Variants in PRKDC observed in about 807,000 individuals in gnomAD.
PRKDC encodes protein kinase, DNA-activated, catalytic subunit, also known as DNA-dependent protein kinase catalytic subunit.
In PRKDC, 82 loss-of-function variants were observed where a neutral mutation model predicts 486.9. The observed-to-expected ratio is 0.17, with a 90% CI of 0.14 to 0.20. PRKDC has a LOEUF of 0.20. PRKDC is among the 10% of genes least tolerant of loss of function. The pLI is 1.00. For missense variants in PRKDC, 4,504 were observed against 5,038.2 expected (o/e 0.89, Z 3.21); for synonymous variants, 1,895 against 1,837.0 (o/e 1.03, Z -0.81).
At chr8:47,814,850 T>G (rs908340382) in intron 68 of PRKDC, among the ~76,000 whole-genome samples, 1 of 152,144 alleles carries the variant, frequency 6.6e-6, no homozygotes, top group Admixed American at 6.5e-5. Context: ...GCAGATCAAC[T>G]AAAATAAAGT....
chr8:47,809,864 T>C (rs2087293840), intron 68 of PRKDC, among the ~76,000 whole-genome samples: 1 of 152,152 alleles, frequency 6.6e-6, no homozygotes, highest in Admixed American at 6.5e-5. Flanking sequence ...TTCCTCTCTG[T>C]CTTACTCTCT....
chr8:47,864,510 C>G (rs1300648010), intron 41 of PRKDC, 46 bp downstream of exon 41: 1 of 1,527,166 alleles, frequency 6.5e-7, no homozygotes, highest in African/African-American at 1.4e-5. Context: ...GCACACCAGT[C>G]AAGTAGGCTG....
chr8:47,861,221 G>A (rs1454931511), intron 44 of PRKDC, among the ~76,000 whole-genome samples: 6 of 152,230 alleles, frequency 3.9e-5, no homozygotes, highest in Admixed American at 3.3e-4. Flanking sequence ...AGCTCACTGC[G>A]TACAGTGTGT....
At chr8:47,853,534 G>A (rs903951673) in intron 51 of PRKDC, among the ~76,000 whole-genome samples, 1 of 152,090 alleles carries the variant, frequency 6.6e-6, no homozygotes, top group African/African-American at 2.4e-5. Context: ...CCATCTTTCT[G>A]AGGCCTCTTG....
At chr8:47,959,534 C>A (rs1406911742) in intron 1 of PRKDC, among the ~76,000 whole-genome samples, 2 of 151,932 alleles carry the variant, frequency 1.3e-5, no homozygotes. Flanking sequence ...AAAAAATTAG[C>A]CGGGCGTGGT....
chr8:47,936,014 A>C, intron 12 of PRKDC, 114 bp from the exon 13 acceptor site: 1 of 1,046,594 alleles, frequency 9.6e-7, no homozygotes, highest in Non-Finnish European at 1.3e-6. Flanking sequence ...AAAGAAAAAC[A>C]TGGTTTGTCA....
chr8:47,929,147 GGA>G lies in PRKDC; in HGVS notation c.2082_2083del (p.Pro695Ter). 1 of 1,579,720 alleles carries G rather than the reference GGA, an allele frequency of 6.3e-7. No individual in the cohort carries two copies. Among genetic ancestry groups the G allele is most frequent in the Non-Finnish European group, 8.6e-7 (1 of 1,161,018 alleles). ...GCAAGAATACTTTTCTGGGTCTTCA[GGA>G]GAGTGTTTCAGACTCTTTGGACTAA... On this transcript the variant is annotated frameshift_variant, in exon 19 of 86. Coordinates refer to ENST00000314191, the MANE Select transcript of PRKDC (RefSeq NM_006904.7). LOFTEE classifies it high-confidence loss of function.
At chr8:47,854,603 G>T (rs1017356867) in intron 50 of PRKDC, among the ~76,000 whole-genome samples, 5 of 151,866 alleles carry the variant, frequency 3.3e-5, no homozygotes, top group African/African-American at 1.2e-4. Context: ...GCCTCCCAAA[G>T]AGCCGGGATT....
rs1279623453 is a variant in PRKDC at position 47,915,415 on chromosome 8, C to T, written c.2530G>A (p.Glu844Lys). The T allele has an allele frequency of 2.6e-6, 4 of 1,516,534 alleles. No homozygotes were observed. Among genetic ancestry groups the T allele is most frequent in the Non-Finnish European group, 3.6e-6 (4 of 1,113,154 alleles). The allele number at this position is 1,516,534 out of a possible 1,614,324, so 93.9% of individuals were successfully genotyped here. Residue 844 changes from glutamate (E) to lysine (K), a missense_variant, in exon 23 of 86, where the codon GAA becomes AAA. This residue lies in a region of PRKDC where 1,969 missense variants were observed against 2,068.9 expected (regional missense o/e 0.95). Transcript: ENST00000314191. ...LKKTKNLSSN[E>K]AISLEEIRIR... The stretch of plus-strand genomic sequence containing the variant: ...CTTATTTCTTCTAAGGATATTGCTT[C>T]GTTCTGTAAATTTGAACAATTGTAT...
chr8:47,860,019 T>C (rs1352579122), intron 45 of PRKDC, among the ~76,000 whole-genome samples: 1 of 152,210 alleles, frequency 6.6e-6, no homozygotes, highest in Non-Finnish European at 1.5e-5. Context: ...TTGCATATGA[T>C]TAACACATTT....
chr8:47,780,561 T>C (rs1218376036), intron 80 of PRKDC, among the ~76,000 whole-genome samples: 3 of 152,238 alleles, frequency 2.0e-5, no homozygotes, highest in Non-Finnish European at 4.4e-5. Flanking sequence ...TTTTCTGAGT[T>C]GCTATTAAAG....
chr8:47,842,558 G>A (rs2088173947), intron 54 of PRKDC, among the ~76,000 whole-genome samples: 1 of 151,800 alleles, frequency 6.6e-6, no homozygotes, highest in Non-Finnish European at 1.5e-5. Flanking sequence ...AAACCCTCAA[G>A]GAAAATGATG....
chr8:47,941,925 G>C (rs893737278), intron 10 of PRKDC, among the ~76,000 whole-genome samples: 48 of 152,248 alleles, frequency 3.2e-4, no homozygotes, highest in Non-Finnish European at 6.2e-4. Flanking sequence ...GCAAGGATGT[G>C]AAACAGAGAT....
intron 41 of PRKDC, 105 bp from the exon 42 acceptor site, chr8:47,863,682 T>A: frequency 1.0e-6 from 1 of 975,854 alleles, no homozygotes; most frequent in African/African-American, 1.7e-5. Flanking sequence ...CAGACAGAAT[T>A]TTAACAGTCA....
At chr8:47,893,475 G>C in intron 30 of PRKDC, 88 bp from the exon 31 acceptor site, 1 of 1,306,134 alleles carries the variant, frequency 7.7e-7, no homozygotes, top group Non-Finnish European at 1.0e-6. Flanking sequence ...AATGTTATGG[G>C]ACAATCTTTT....
chr8:47,802,249 T>A (rs2087123471), intron 70 of PRKDC, among the ~76,000 whole-genome samples: 1 of 152,040 alleles, frequency 6.6e-6, no homozygotes, highest in Admixed American at 6.5e-5. Context: ...ACTAGGATGA[T>A]CTTCTGCTCT....
Position 47,886,103 on chromosome 8 carries a change from G to A in PRKDC, c.4617C>T (p.Ser1539=), listed in dbSNP as rs1474934197. Residue 1539 remains serine, a synonymous_variant, in exon 36 of 86, where the codon TCC becomes TCT. Transcript: ENST00000314191. ...CCTGTGAGCTGCCCAAGGACGCCGT[G>A]GACAGCACCGCTGGGTTCAGGAGAA... ...VSLLLNPAVL[S]TASLGSSQGS... is the part of the protein sequence containing the mutation. The A allele has an allele frequency of 1.2e-6, 2 of 1,613,348 alleles. No individual in the cohort carries two copies. Among genetic ancestry groups the A allele is most frequent in the South Asian group, 1.1e-5 (1 of 91,058 alleles).
chr8:47,815,227 T>C (rs960299846), intron 68 of PRKDC, among the ~76,000 whole-genome samples: 1 of 152,144 alleles, frequency 6.6e-6, no homozygotes, highest in Non-Finnish European at 1.5e-5. Context: ...CAGTTTGCTA[T>C]TGTGAAAAAA....
chr8:47,950,583 C>T (rs1423477679), intron 7 of PRKDC, among the ~76,000 whole-genome samples: 2 of 141,810 alleles, frequency 1.4e-5, no homozygotes, highest in African/African-American at 5.3e-5. Flanking sequence ...GAGCCAAGAT[C>T]ATGCCACTGC....
Sources: gnomAD v4.1 joint callset for allele counts (sites outside exome capture counted in the v4.1 genomes callset) on GRCh38, gnomAD v4.1.1 for gene constraint, gnomAD v4.1.1 regional missense constraint, MANE v1.5 for transcripts, NCBI Gene and HGNC (gene_info 2026-07-23, HGNC 2026-07-21) for gene names.